Variants in PCDHA13 observed in about 807,000 individuals in gnomAD.
The protein encoded by PCDHA13 is protocadherin alpha 13, also known as protocadherin alpha-13.
PCDHA13 carries 54 observed loss-of-function variants against 64.8 expected under a neutral mutation model. The ratio of observed to expected loss-of-function variants is 0.83; its 90% CI spans 0.67 to 1.04. PCDHA13 has a LOEUF of 1.04. Among genes scored for constraint, PCDHA13 ranks in the 50% least tolerant of loss-of-function variants. The pLI, the probability that PCDHA13 is intolerant of heterozygous loss-of-function variation, is 0.00. For missense variants in PCDHA13, 1,248 were observed against 1,254.3 expected (o/e 0.99, Z 0.08); for synonymous variants, 587 against 564.4 (o/e 1.04, Z -0.57).
rs782631991 is a variant in PCDHA13, at chr5:140,966,741, G to C, written c.2395-12208G>C. The C allele has an allele frequency of 7.5e-4, 1,063 of 1,421,208 alleles. 1 individual carries two copies. The highest frequency in any genetic ancestry group is 9.1e-4 in the Non-Finnish European group (995 of 1,093,108). The allele number at this position is 1,421,208 out of a possible 1,614,324, so 88.0% of individuals were successfully genotyped here. Reference sequence around the variant, plus strand: ...GAAGCTGCCGCCTCCGGCCCTGCCCGGCTGCCTCCGCCGCGGCCAGTGGCT... The same window carrying C: ...GAAGCTGCCGCCTCCGGCCCTGCCCCGCTGCCTCCGCCGCGGCCAGTGGCT... On this transcript the variant is annotated intron_variant, in intron 1 of 3. Transcript: ENST00000289272.
At chr5:140,921,078 C>A (rs2153559626) in intron 1 of PCDHA13, among the ~76,000 whole-genome samples, 1 of 151,870 alleles carries the variant, frequency 6.6e-6, no homozygotes, top group East Asian at 2.0e-4. Context: ...CTCTTGGGCT[C>A]AAGAGAATCC....
intron 1 of PCDHA13, among the ~76,000 whole-genome samples, chr5:140,962,643 T>G (rs1456773642): frequency 6.6e-6 from 1 of 152,222 alleles, no homozygotes; most frequent in Non-Finnish European, 1.5e-5. Context: ...GCCATCAAGT[T>G]ATGTGAAAAC....
At chr5:140,999,033 G>A (rs1029128098) in intron 3 of PCDHA13, among the ~76,000 whole-genome samples, 6 of 152,148 alleles carry the variant, frequency 3.9e-5, no homozygotes, top group African/African-American at 1.4e-4. Context: ...TTGATACTTC[G>A]TCCAGTGTGC....
chr5:140,968,022 A>G (rs782399233), intron 1 of PCDHA13: 3 of 1,614,142 alleles, frequency 1.9e-6, no homozygotes, highest in South Asian at 2.2e-5. Flanking sequence ...GGAAACTCCT[A>G]TACACTGGTG....
At chr5:140,937,284 G>A (rs1473374286) in intron 1 of PCDHA13, among the ~76,000 whole-genome samples, 2 of 151,964 alleles carry the variant, frequency 1.3e-5, no homozygotes, top group South Asian at 2.1e-4. Context: ...TGATTCACCC[G>A]CTTCGGCCTC....
chr5:140,882,718 T>A lies in PCDHA13; in HGVS notation c.450T>A (p.Thr150=), dbSNP rs782288800. 9 of 1,614,054 alleles carry A rather than the reference T, an allele frequency of 5.6e-6. No homozygotes were observed. Among genetic ancestry groups the A allele is most frequent in the Middle Eastern group, 1.6e-4 (1 of 6,084 alleles). ...IIIAESRPPE[T]RFPLDGASDA... is the part of the protein sequence containing the mutation. ...TTGCAGAATCTAGACCTCCGGAAAC[T>A]CGATTTCCACTAGATGGCGCATCCG... The change falls in exon 1 of 4, where the codon ACT becomes ACA. Residue 150 remains threonine, a synonymous_variant. Coordinates refer to ENST00000289272, the MANE Select transcript of PCDHA13 (RefSeq NM_018904.3).
chr5:140,887,482 CT>C lies in PCDHA13; in HGVS notation c.2394+2822del, dbSNP rs2061466213. 4.6e-5 allele frequency among the ~76,000 whole-genome samples: 7 copies of C among 152,170 alleles called. 1 individual carries two copies. The highest frequency in any genetic ancestry group is 4.6e-4 in the Admixed American group (7 of 15,274). ...AAGATATAATTCAGTTGTCTTCTGG[CT>C]TGCATAGTTTCTAATAAGATGTTTG... On this transcript the variant is annotated intron_variant, in intron 1 of 3. Coordinates refer to ENST00000289272, the MANE Select transcript of PCDHA13 (RefSeq NM_018904.3).
intron 1 of PCDHA13, chr5:140,930,019 T>G (rs1454076883): frequency 6.6e-6 from 1 of 152,222 alleles, no homozygotes; most frequent in Non-Finnish European, 1.5e-5. Context: ...GATAGCTCCA[T>G]AGCAGTGTTT....
chr5:140,916,268 T>C (rs1190209711), intron 1 of PCDHA13, among the ~76,000 whole-genome samples: 3 of 152,206 alleles, frequency 2.0e-5, no homozygotes, highest in Non-Finnish European at 4.4e-5. Flanking sequence ...AAGAGCATGC[T>C]TGTTGCTCTA....
Position 140,884,409 on chromosome 5 carries a change from C to T in PCDHA13, c.2141C>T (p.Thr714Met). 4 of 1,613,992 alleles carry T rather than the reference C, an allele frequency of 2.5e-6. No homozygotes were observed. Among genetic ancestry groups the T allele is most frequent in the Non-Finnish European group, 3.4e-6 (4 of 1,179,884 alleles). ...ICAVSSLLVLTLLLYTALRCS... is the reference protein window; with the variant it reads ...ICAVSSLLVLMLLLYTALRCS... ...GCGGTGTCCAGCCTGTTGGTGCTCACGTTGCTGCTGTATACTGCGCTGCGG... is the reference window on the plus strand; with the variant it reads ...GCGGTGTCCAGCCTGTTGGTGCTCATGTTGCTGCTGTATACTGCGCTGCGG... Residue 714 changes from threonine to methionine, a missense_variant, in exon 1 of 4, where the codon ACG becomes ATG. By Grantham distance (81) the Thr-to-Met change is moderately conservative. Transcript: ENST00000289272.
At chr5:140,927,295 G>T (rs1343982131) in intron 1 of PCDHA13, 2 of 1,614,032 alleles carry the variant, frequency 1.2e-6, no homozygotes, top group African/African-American at 2.7e-5. Context: ...GCACATCCCC[G>T]AGTTCCTGAC....
intron 1 of PCDHA13, among the ~76,000 whole-genome samples, chr5:140,902,712 C>T (rs1207971068): frequency 6.6e-6 from 1 of 152,008 alleles, no homozygotes; most frequent in African/African-American, 2.4e-5. Flanking sequence ...CTTTCACTCC[C>T]CTCCCACCCT....
intron 1 of PCDHA13, among the ~76,000 whole-genome samples, chr5:140,960,819 G>A (rs1287793882): frequency 1.3e-5 from 2 of 152,146 alleles, no homozygotes; most frequent in Admixed American, 6.5e-5. Context: ...CCCAAGTGAT[G>A]AATGGAAACT....
intron 3 of PCDHA13, among the ~76,000 whole-genome samples, chr5:141,005,530 C>T (rs920110529): frequency 1.3e-5 from 2 of 151,002 alleles, no homozygotes; most frequent in Non-Finnish European, 3.0e-5. Context: ...GGTGAAACCC[C>T]GTCTCTACTA....
In PCDHA13 at chr5:141,010,283, C is replaced by T. The variant is rs1554262872; in HGVS notation, c.*346C>T. ...TGCTCCGGGGATCCTGTCTTGATGACACTTGCAGGGCAGGCTGAAAAGTTT... is the reference window on the plus strand; with the variant it reads ...TGCTCCGGGGATCCTGTCTTGATGATACTTGCAGGGCAGGCTGAAAAGTTT... On this transcript the variant is annotated 3_prime_UTR_variant, in exon 4 of 4. Transcript: ENST00000289272. 6.4e-7 allele frequency: 1 copy of T among 1,551,220 alleles called. No individual in the cohort carries two copies. The highest frequency in any genetic ancestry group is 1.4e-5 in the African/African-American group (1 of 73,110).
chr5:140,917,324 C>CGGGGGGGGGGGGG (rs1299895515), intron 1 of PCDHA13, among the ~76,000 whole-genome samples: 2 of 76,122 alleles, frequency 2.6e-5, no homozygotes, highest in Admixed American at 1.5e-4. Context: ...GTTCATGTGG[C>CGGGGGGGGGGGGG]GGGGGAGGGG....
At chr5:140,901,674 G>C (rs1387047115) in intron 1 of PCDHA13, among the ~76,000 whole-genome samples, 5 of 152,034 alleles carry the variant, frequency 3.3e-5, no homozygotes, top group African/African-American at 9.7e-5. Flanking sequence ...GATACCTTTA[G>C]GTATTATGGG....
intron 1 of PCDHA13, among the ~76,000 whole-genome samples, chr5:140,969,881 G>C (rs1554232131): frequency 6.6e-6 from 1 of 152,196 alleles, no homozygotes; most frequent in African/African-American, 2.4e-5. Flanking sequence ...CTATGTGATA[G>C]GATCCTCTGG....
At chr5:140,967,355 C>G in intron 1 of PCDHA13, 1 of 1,608,112 alleles carries the variant, frequency 6.2e-7, no homozygotes, top group Non-Finnish European at 8.5e-7. Context: ...CGAGCTGGAC[C>G]TTAAGCCCCT....
Sources: gnomAD v4.1 joint callset for allele counts (sites outside exome capture counted in the v4.1 genomes callset) on GRCh38, gnomAD v4.1.1 for gene constraint, MANE v1.5 for transcripts, NCBI Gene and HGNC (gene_info 2026-07-23, HGNC 2026-07-21) for gene names.